SSBP2: variants seen among roughly 807,000 people sequenced by gnomAD.
SSBP2 encodes the protein single-stranded DNA-binding protein 2.
Under a neutral mutation model 61.8 loss-of-function variants are expected in SSBP2, and 17 were observed. That is an observed-to-expected ratio of 0.28 (90% CI 0.19 to 0.41). The LOEUF is 0.41. SSBP2 is among the 10% of genes least tolerant of loss of function. SSBP2 has a pLI of 1.00. For missense variants in SSBP2, 310 were observed against 458.7 expected (o/e 0.68, Z 2.96); for synonymous variants, 139 against 141.3 (o/e 0.98, Z 0.12).
intron 1 of SSBP2, among the ~76,000 whole-genome samples, chr5:81,659,063 T>C (rs1156998606): frequency 2.0e-5 from 3 of 152,208 alleles, no homozygotes; most frequent in African/African-American, 4.8e-5. Flanking sequence ...AATATCATAC[T>C]GAATGGGTAA....
intron 4 of SSBP2, among the ~76,000 whole-genome samples, chr5:81,579,677 A>T (rs1774495234): frequency 6.6e-6 from 1 of 152,096 alleles, no homozygotes; most frequent in African/African-American, 2.4e-5. Context: ...GCTGACAGTA[A>T]ACACAGCACT....
At chr5:81,675,055 T>C (rs74910340) in intron 1 of SSBP2, among the ~76,000 whole-genome samples, 2,451 of 152,260 alleles carry the variant, frequency 0.016, 59 homozygotes, top group African/African-American at 0.054. Flanking sequence ...AGAAATACCA[T>C]AGAAGCTCCA....
chr5:81,714,113 T>C (rs575448280), intron 1 of SSBP2, among the ~76,000 whole-genome samples: 5 of 152,270 alleles, frequency 3.3e-5, no homozygotes, highest in African/African-American at 1.2e-4. Context: ...TGCGCCCATA[T>C]GTTCTCATTG....
At chr5:81,472,261 T>C (rs1361350282) in intron 8 of SSBP2, among the ~76,000 whole-genome samples, 1 of 152,170 alleles carries the variant, frequency 6.6e-6, no homozygotes, top group Non-Finnish European at 1.5e-5. Context: ...CCCAAGAAGC[T>C]TTCCCAAGAG....
chr5:81,710,760 A>C, intron 1 of SSBP2: 1 of 440,116 alleles, frequency 2.3e-6, no homozygotes, highest in Non-Finnish European at 4.5e-6. Flanking sequence ...AATAAGGCAC[A>C]GATGAATTCT....
intron 3 of SSBP2, among the ~76,000 whole-genome samples, chr5:81,631,435 G>A (rs1200968824): frequency 6.6e-6 from 1 of 150,836 alleles, no homozygotes; most frequent in African/African-American, 2.4e-5. Context: ...AGAGACGAGT[G>A]TAAACCGTAC....
chr5:81,654,304 A>G (rs34811278), intron 1 of SSBP2, among the ~76,000 whole-genome samples: 1,870 of 152,252 alleles, frequency 0.012, 20 homozygotes, highest in Non-Finnish European at 0.022. Flanking sequence ...TAAATTGACC[A>G]CGTCCAAAGT....
chr5:81,437,636 T>G (rs1299126000), intron 14 of SSBP2, 178 bp from the exon 15 acceptor site: 1 of 434,152 alleles, frequency 2.3e-6, no homozygotes, highest in Non-Finnish European at 4.1e-6. Flanking sequence ...CAGTACCATC[T>G]GATGGAAAAT....
chr5:81,722,338 T>C (rs1431177859), intron 1 of SSBP2, among the ~76,000 whole-genome samples: 3 of 151,532 alleles, frequency 2.0e-5, no homozygotes, highest in East Asian at 3.9e-4. Flanking sequence ...AGGCACATTG[T>C]GAAAGTTCCT....
At chr5:81,688,351 C>T (rs932292978) in intron 1 of SSBP2, among the ~76,000 whole-genome samples, 4 of 152,190 alleles carry the variant, frequency 2.6e-5, no homozygotes, top group Admixed American at 6.5e-5. Flanking sequence ...GGAAACTTGC[C>T]GCCCTGAAAC....
chr5:81,498,849 C>T (rs1201083918), intron 5 of SSBP2, among the ~76,000 whole-genome samples: 3 of 151,966 alleles, frequency 2.0e-5, no homozygotes, highest in Non-Finnish European at 4.4e-5. Flanking sequence ...TTGTGACATC[C>T]TTATTTCAGC....
chr5:81,544,060 T>C (rs1374781063), intron 4 of SSBP2, among the ~76,000 whole-genome samples: 2 of 152,224 alleles, frequency 1.3e-5, no homozygotes, highest in African/African-American at 2.4e-5. Flanking sequence ...CCTTCCTTTT[T>C]TTCCTTTGAG....
At chr5:81,730,607 T>G (rs1403016336) in intron 1 of SSBP2, among the ~76,000 whole-genome samples, 1 of 152,206 alleles carries the variant, frequency 6.6e-6, no homozygotes, top group Non-Finnish European at 1.5e-5. Flanking sequence ...AGGCAGGAGA[T>G]TCTCAAATAC....
chr5:81,642,113 T>C (rs935530918), intron 2 of SSBP2, among the ~76,000 whole-genome samples: 4 of 152,172 alleles, frequency 2.6e-5, no homozygotes, highest in Non-Finnish European at 4.4e-5. Context: ...TATTGAGGAA[T>C]GGCCAGAAAA....
intron 1 of SSBP2, 108 bp downstream of exon 1, chr5:81,750,873 C>T: frequency 7.7e-7 from 1 of 1,299,446 alleles, no homozygotes; most frequent in Non-Finnish European, 1.1e-6. Context: ...CAGCCCACCC[C>T]CGGCGCTCCC....
At chr5:81,459,123 T>C (rs573711185) in intron 10 of SSBP2, among the ~76,000 whole-genome samples, 1 of 152,336 alleles carries the variant, frequency 6.6e-6, no homozygotes, top group Admixed American at 6.5e-5. Context: ...GCTTTTACCC[T>C]AATTCCTTAT....
intron 1 of SSBP2, among the ~76,000 whole-genome samples, chr5:81,655,904 T>C (rs751608609): frequency 2.6e-5 from 4 of 152,198 alleles, no homozygotes; most frequent in Non-Finnish European, 5.9e-5. Flanking sequence ...TCAATATCTA[T>C]AGTAATTTGG....
intron 1 of SSBP2, among the ~76,000 whole-genome samples, chr5:81,698,946 A>T (rs1753771824): frequency 6.6e-6 from 1 of 152,240 alleles, no homozygotes; most frequent in South Asian, 2.1e-4. Context: ...CTGCAGGCAT[A>T]CTTCACATAT....
chr5:81,418,718 T>A lies in SSBP2; in HGVS notation c.*1786A>T, dbSNP rs1167803986. 22 of 152,216 alleles carry A rather than the reference T, an allele frequency of 1.4e-4. No individual in the cohort carries two copies. 9.4% of individuals were successfully genotyped at this position (152,216 alleles called of 1,614,324 possible). ...TACTGTACTGAATACCAAAGGCAACTGTAATACAATGGTATTTGTGTATCT... is the reference window on the plus strand; with the variant it reads ...TACTGTACTGAATACCAAAGGCAACAGTAATACAATGGTATTTGTGTATCT... On this transcript the variant is annotated 3_prime_UTR_variant, in exon 17 of 17. Coordinates refer to ENST00000320672, the MANE Select transcript of SSBP2 (RefSeq NM_012446.5).
Sources: allele counts gnomAD v4.1 joint callset (sites outside exome capture counted in the v4.1 genomes callset), GRCh38; gene constraint gnomAD v4.1.1; transcripts MANE v1.5; gene names NCBI Gene and HGNC (gene_info 2026-07-23, HGNC 2026-07-21).